The following CHRM3 variants were observed in gnomAD, a reference collection of about 807,000 sequenced individuals.
CHRM3 encodes muscarinic acetylcholine receptor M3.
Under a neutral mutation model 41.8 loss-of-function variants are expected in CHRM3, and 11 were observed. The observed-to-expected ratio is 0.26, with a 90% CI of 0.17 to 0.44. CHRM3 has a LOEUF of 0.44. Ranked by LOEUF, CHRM3 falls within the 20% of genes least tolerant of loss-of-function variation. CHRM3 has a pLI of 1.00. For missense variants in CHRM3, 571 were observed against 745.4 expected, an observed-to-expected ratio of 0.77 and a Z score of 2.72; for synonymous variants, 297 against 301.4, an observed-to-expected ratio of 0.99 and a Z score of 0.15.
chr1:239,829,071 T>C (rs1190033970), intron 6 of CHRM3, among the ~76,000 whole-genome samples: 5 of 152,210 alleles, frequency 3.3e-5, no homozygotes, highest in Non-Finnish European at 5.9e-5. Context: ...GCTTTTGTTG[T>C]TGCTGTTATT....
At chr1:239,471,243 T>A (rs1572412179) in intron 1 of CHRM3, among the ~76,000 whole-genome samples, 1 of 152,214 alleles carries the variant, frequency 6.6e-6, no homozygotes, top group Non-Finnish European at 1.5e-5. Context: ...CTGGCCTTTT[T>A]CTTTTTGTAT....
At chr1:239,580,249 TACAC>T (rs1455522093) in intron 3 of CHRM3, among the ~76,000 whole-genome samples, 3 of 131,318 alleles carry the variant, frequency 2.3e-5, no homozygotes, top group Non-Finnish European at 3.2e-5. Context: ...ACCTGGAAAA[TACAC>T]ACTGTCACAC....
intron 6 of CHRM3, among the ~76,000 whole-genome samples, chr1:239,872,306 T>G (rs147473933): frequency 1.3e-5 from 2 of 152,348 alleles, no homozygotes; most frequent in East Asian, 3.9e-4. Flanking sequence ...TTCATCTCTA[T>G]AAAATGAGGT....
chr1:239,469,166 A>G (rs1033495157), intron 1 of CHRM3, among the ~76,000 whole-genome samples: 2 of 152,168 alleles, frequency 1.3e-5, no homozygotes, highest in Non-Finnish European at 2.9e-5. Context: ...TACTCCCCTG[A>G]AATTAGTTTA....
At chr1:239,855,931 A>C (rs572094308) in intron 6 of CHRM3, among the ~76,000 whole-genome samples, 2 of 152,190 alleles carry the variant, frequency 1.3e-5, no homozygotes, top group African/African-American at 4.8e-5. Context: ...AGGCATATCA[A>C]TGTAACAAAT....
chr1:239,770,533 G>A (rs1022317441), intron 5 of CHRM3, among the ~76,000 whole-genome samples: 1 of 152,138 alleles, frequency 6.6e-6, no homozygotes, highest in African/African-American at 2.4e-5. Context: ...CAATAATCAC[G>A]ATTTTAAGGG....
intron 5 of CHRM3, among the ~76,000 whole-genome samples, chr1:239,825,954 A>G (rs1351871184): frequency 1.3e-5 from 2 of 152,236 alleles, no homozygotes; most frequent in African/African-American, 4.8e-5. Context: ...TAAGCCAGTC[A>G]CAAAATGACA....
intron 5 of CHRM3, among the ~76,000 whole-genome samples, chr1:239,758,318 C>T (rs771236160): frequency 2.0e-5 from 3 of 152,062 alleles, no homozygotes; most frequent in Non-Finnish European, 4.4e-5. Context: ...CTTCGTATTT[C>T]CCACAGCATC....
chr1:239,892,045 AT>A (rs1678596136), intron 6 of CHRM3, among the ~76,000 whole-genome samples: 1 of 152,196 alleles, frequency 6.6e-6, no homozygotes, highest in South Asian at 2.1e-4. Flanking sequence ...TTAGAATTTT[AT>A]TAGCTTACAC....
intron 6 of CHRM3, among the ~76,000 whole-genome samples, chr1:239,860,336 T>C (rs750814538): frequency 5.1e-4 from 77 of 152,194 alleles, no homozygotes; most frequent in Non-Finnish European, 5.4e-4. Flanking sequence ...TATTACTAAA[T>C]GTATGAATAC....
intron 3 of CHRM3, among the ~76,000 whole-genome samples, chr1:239,620,938 G>C (rs1413924258): frequency 6.6e-6 from 1 of 152,088 alleles, no homozygotes; most frequent in Non-Finnish European, 1.5e-5. Context: ...TTATTTTATT[G>C]TGCTTCAGTT....
rs1379062261 is a variant in CHRM3 at position 239,390,000 on chromosome 1, T to A, written c.-521+2773T>A. Among the ~76,000 whole-genome samples the A allele has an allele frequency of 3.3e-5, 5 of 152,176 alleles. No individual in the cohort carries two copies. The South Asian group carries it at 8.3e-4, about 25-fold the overall frequency. ...CAGAGAAGTGTATCTGTCCTTCACT[T>A]ATGGAACCTGATTTTATATCATATG... On this transcript the variant is annotated intron_variant, in intron 1 of 6. Coordinates refer to ENST00000676153, the MANE Select transcript of CHRM3 (RefSeq NM_001375978.1).
intron 5 of CHRM3, chr1:239,704,604 C>T (rs1660971919): frequency 6.6e-6 from 1 of 152,156 alleles, no homozygotes; most frequent in African/African-American, 2.4e-5. Flanking sequence ...AACCTCTTCT[C>T]TGTGCAGGGT....
intron 2 of CHRM3, among the ~76,000 whole-genome samples, chr1:239,528,003 G>C (rs1246639352): frequency 2.0e-5 from 3 of 152,082 alleles, no homozygotes; most frequent in Non-Finnish European, 4.4e-5. Context: ...TCTCAGCACA[G>C]AATGGAAACG....
At chr1:239,489,417 A>T (rs888723155) in intron 1 of CHRM3, among the ~76,000 whole-genome samples, 2 of 152,152 alleles carry the variant, frequency 1.3e-5, no homozygotes, top group Admixed American at 6.5e-5. Flanking sequence ...TGTCTCAAAA[A>T]AAAAAAAATT....
chr1:239,410,305 A>G (rs1235537652), intron 1 of CHRM3, among the ~76,000 whole-genome samples: 1 of 152,136 alleles, frequency 6.6e-6, no homozygotes, highest in African/African-American at 2.4e-5. Flanking sequence ...TTACCCCACT[A>G]AGGGGCCTTC....
intron 2 of CHRM3, among the ~76,000 whole-genome samples, chr1:239,522,563 T>G (rs768889966): frequency 6.6e-6 from 1 of 152,244 alleles, no homozygotes; most frequent in East Asian, 1.9e-4. Context: ...GATTATTATA[T>G]GCAATAATAG....
chr1:239,517,134 A>G (rs1217948158), intron 2 of CHRM3, among the ~76,000 whole-genome samples: 2 of 152,222 alleles, frequency 1.3e-5, no homozygotes, highest in Non-Finnish European at 2.9e-5. Flanking sequence ...TGCCCGGTCC[A>G]TAGAAAAATT....
At chr1:239,551,667 T>C (rs1464571916) in intron 3 of CHRM3, among the ~76,000 whole-genome samples, 1 of 152,172 alleles carries the variant, frequency 6.6e-6, no homozygotes, top group East Asian at 1.9e-4. Flanking sequence ...ACATGAAAGA[T>C]CATTAAGTCC....
Sources: allele counts gnomAD v4.1 joint callset (sites outside exome capture counted in the v4.1 genomes callset), GRCh38; gene constraint gnomAD v4.1.1; transcripts MANE v1.5; gene names NCBI Gene and HGNC (gene_info 2026-07-23, HGNC 2026-07-21).